SAP130: variants seen among roughly 807,000 people sequenced by gnomAD.
SAP130 encodes the protein histone deacetylase complex subunit SAP130.
In SAP130, 16 loss-of-function variants were observed where a neutral mutation model predicts 103.2. That is an observed-to-expected ratio of 0.16 (90% confidence interval 0.10 to 0.24). The LOEUF (loss-of-function observed/expected upper bound fraction) is 0.24, where lower values mean the gene tolerates loss of function less well. Among genes scored for constraint, SAP130 ranks in the 10% least tolerant of loss-of-function variants. SAP130 has a pLI of 1.00. For missense variants in SAP130, 990 were observed against 1,359.7 expected, an observed-to-expected ratio of 0.73 and a Z score of 4.28; for synonymous variants, 477 against 497.0, an observed-to-expected ratio of 0.96 and a Z score of 0.53.
In SAP130 at chr2:127,996,446, T is replaced by G. The variant is rs749013716; in HGVS notation, c.1259A>C (p.Gln420Pro). 6.2e-7 allele frequency: 1 copy of G among 1,605,724 alleles called. No homozygotes were observed. Among genetic ancestry groups the G allele is most frequent in the Admixed American group, 1.7e-5 (1 of 58,798 alleles). Reference protein sequence around the residue: ...QQITHTSPRIQPDYPAERSSL... With the variant: ...QQITHTSPRIPPDYPAERSSL... ...ACTCCTCTCGGCAGGGTAGTCTGGC[T>G]GGATCCGAGGAGAAGTGTGCGTGAT... Residue 420 changes from glutamine (Q) to proline (P), a missense_variant, in exon 11 of 21, where the codon CAG becomes CCG. This residue lies in a region of SAP130 where 336 missense variants were observed against 520.1 expected (regional missense o/e 0.65). Transcript: ENST00000643581. The surrounding 1 kb of genome is among the most constrained non-coding windows in gnomAD (Gnocchi z 4.3).
intron 15 of SAP130, among the ~76,000 whole-genome samples, chr2:127,964,808 C>T (rs1046404962): frequency 6.6e-6 from 1 of 151,998 alleles, no homozygotes. Context: ...ACCAGCCTGG[C>T]CAACATGGTG....
chr2:128,014,719 A>T, intron 5 of SAP130, 84 bp downstream of exon 5: 1 of 942,504 alleles, frequency 1.1e-6, no homozygotes, highest in Non-Finnish European at 1.7e-6. Context: ...AGCTGATTCT[A>T]GATACATTCT....
At chr2:127,998,376 C>T (rs1683317761) in intron 10 of SAP130, among the ~76,000 whole-genome samples, 2 of 152,052 alleles carry the variant, frequency 1.3e-5, no homozygotes, top group Non-Finnish European at 2.9e-5. Context: ...TTTTTCTGAG[C>T]CAACATATTC....
intron 2 of SAP130, among the ~76,000 whole-genome samples, chr2:128,025,930 T>C (rs1685470038): frequency 6.6e-6 from 1 of 152,178 alleles, no homozygotes; most frequent in Non-Finnish European, 1.5e-5. Flanking sequence ...CAAGAATATA[T>C]TAATGCATTT....
intron 15 of SAP130, among the ~76,000 whole-genome samples, chr2:127,968,767 CA>C (rs1446741348): frequency 6.6e-6 from 1 of 152,122 alleles, no homozygotes; most frequent in Non-Finnish European, 1.5e-5. Context: ...CCACCCACCT[CA>C]GCCTCCCAAA....
intron 6 of SAP130, 56 bp from the exon 7 acceptor site, chr2:128,010,449 A>G (rs1177926794): frequency 2.0e-6 from 3 of 1,532,848 alleles, no homozygotes; most frequent in Non-Finnish European, 1.8e-6. Flanking sequence ...GAGGAAGTCA[A>G]ATACTAAATG....
At chr2:127,973,478 C>T (rs538646733) in intron 15 of SAP130, among the ~76,000 whole-genome samples, 29 of 152,310 alleles carry the variant, frequency 1.9e-4, no homozygotes, top group South Asian at 4.1e-4. Flanking sequence ...GTGATCCGCC[C>T]GCCTGACTCC....
intron 1 of SAP130, chr2:128,027,047 G>C: frequency 2.9e-6 from 4 of 1,382,756 alleles, no homozygotes; most frequent in Non-Finnish European, 3.8e-6. Context: ...GTGCGGACGG[G>C]CGATCTGGGG....
At chr2:127,961,120 C>T (rs1450594835) in intron 15 of SAP130, among the ~76,000 whole-genome samples, 1 of 151,258 alleles carries the variant, frequency 6.6e-6, no homozygotes, top group Admixed American at 6.6e-5. Context: ...CTCCCAGTAG[C>T]TTGGGACCAC....
At position 128,013,292 on chromosome 2, in the gene SAP130, G is replaced by GA. The variant is rs1684532117; in HGVS notation, c.620-139dup. ...TGTATACTTCCCATTTCATCACAGA[G>GA]AAAACAAAGAAAATGTGTATTCAAG... On this transcript the variant is annotated intron_variant, in intron 5 of 20. Coordinates refer to ENST00000643581, the MANE Select transcript of SAP130 (RefSeq NM_001330301.2). 4 of 682,438 alleles carry GA rather than the reference G, an allele frequency of 5.9e-6. No individual in the cohort carries two copies. In the South Asian group the frequency reaches 8.0e-5, roughly 14 times the overall value. The allele number at this position is 682,438 out of a possible 1,614,324, so 42.3% of individuals were successfully genotyped here. A position where few individuals can be genotyped will look rare whatever the true frequency, so the allele number is the denominator to read the frequency against.
chr2:127,963,189 CA>C (rs1218437047), intron 15 of SAP130, among the ~76,000 whole-genome samples: 7 of 152,050 alleles, frequency 4.6e-5, no homozygotes, highest in Non-Finnish European at 7.4e-5. Context: ...TTTTTCTTGA[CA>C]AAAGTAGTTT....
At chr2:128,007,750 A>C (rs1684073728) in intron 7 of SAP130, among the ~76,000 whole-genome samples, 1 of 152,204 alleles carries the variant, frequency 6.6e-6, no homozygotes, top group African/African-American at 2.4e-5. Flanking sequence ...CTGTTCATTT[A>C]AACATAATTT....
Position 127,996,317 on chromosome 2 carries a change from G to C in SAP130, c.1355+33C>G. ...ATAAAGCAGAACGATTAATGACACA[G>C]TGAGGCAGAATAACTGACACACAGC... On this transcript the variant is annotated intron_variant, in intron 11 of 20. Coordinates refer to ENST00000643581, the MANE Select transcript of SAP130 (RefSeq NM_001330301.2). This position sits in a 1 kb window ranked among gnomAD's most constrained non-coding sequence, Gnocchi z 4.3. The C allele has an allele frequency of 6.5e-7, 1 of 1,546,412 alleles. No homozygotes were observed. The highest frequency in any genetic ancestry group is 8.8e-7 in the Non-Finnish European group (1 of 1,142,456).
In SAP130 at chr2:127,989,764, G is replaced by A. The variant is rs898219205; in HGVS notation, c.1580C>T (p.Ser527Leu). 3 of 1,614,182 alleles carry A rather than the reference G, an allele frequency of 1.9e-6. No individual in the cohort carries two copies. The highest frequency in any genetic ancestry group is 2.2e-5 in the South Asian group (2 of 91,084). ...NPMQLMTVDA[S>L]HARHIQGIQP... is the part of the protein sequence containing the mutation. Reference sequence around the variant, plus strand: ...GATCCCTTGAATATGTCGAGCATGCGATGCATCCACTGTCATCAACTGCAT... The same window carrying A: ...GATCCCTTGAATATGTCGAGCATGCAATGCATCCACTGTCATCAACTGCAT... The change falls in exon 13 of 21, where the codon TCG (serine) becomes TTG (leucine). Residue 527 changes from serine (S) to leucine (L), a missense_variant. Ser to Leu is a moderately radical substitution (Grantham distance 145). This residue lies in a region of SAP130 where 336 missense variants were observed against 520.1 expected (regional missense o/e 0.65). Transcript: ENST00000643581. This position sits in a 1 kb window ranked among gnomAD's most constrained non-coding sequence, Gnocchi z 4.6.
At chr2:127,981,412 G>A (rs61038290) in intron 14 of SAP130, among the ~76,000 whole-genome samples, 1 of 11,436 alleles carries the variant, frequency 8.7e-5, no homozygotes, top group African/African-American at 3.7e-4. Flanking sequence ...CTCAGCTCCC[G>A]CACTCCGACC....
chr2:128,024,647 A>T (rs1685377920), intron 2 of SAP130, among the ~76,000 whole-genome samples: 1 of 151,456 alleles, frequency 6.6e-6, no homozygotes, highest in South Asian at 2.1e-4. Flanking sequence ...GATCACTTGA[A>T]GTCTGGAGTC....
chr2:128,003,958 T>C (rs1049966523), intron 7 of SAP130, among the ~76,000 whole-genome samples: 3 of 49,092 alleles, frequency 6.1e-5, no homozygotes, highest in Admixed American at 2.1e-4. Context: ...ACAGATCAGC[T>C]TTTTTTTTTT....
At chr2:127,995,087 T>C (rs1274131521) in intron 11 of SAP130, among the ~76,000 whole-genome samples, 1 of 152,108 alleles carries the variant, frequency 6.6e-6, no homozygotes, top group Non-Finnish European at 1.5e-5. Flanking sequence ...GATACAAACA[T>C]GGAATGGGGG....
At chr2:127,944,258 A>T (rs940876778) in intron 19 of SAP130, among the ~76,000 whole-genome samples, 29 of 151,558 alleles carry the variant, frequency 1.9e-4, no homozygotes. Flanking sequence ...TGGGCCTCAA[A>T]CTCCTGGGCC....
Sources: gnomAD v4.1 joint callset for allele counts (sites outside exome capture counted in the v4.1 genomes callset) on GRCh38, gnomAD v4.1.1 for gene constraint, gnomAD v4.1.1 regional missense constraint, Gnocchi (gnomAD v3.1) non-coding constraint, MANE v1.5 for transcripts, NCBI Gene and HGNC (gene_info 2026-07-23, HGNC 2026-07-21) for gene names.